Variants in ZNF516 observed in about 807,000 individuals in gnomAD.
ZNF516 encodes zinc finger protein 516.
In ZNF516, 19 loss-of-function variants were observed where a neutral mutation model predicts 79.7. That is an observed-to-expected ratio of 0.24 (90% confidence interval 0.17 to 0.35). The LOEUF (loss-of-function observed/expected upper bound fraction) is 0.35. ZNF516 is among the 10% of genes least tolerant of loss of function. The pLI is 1.00. For missense variants in ZNF516, 1,678 were observed against 1,679.5 expected, an observed-to-expected ratio of 1.00 and a Z score of 0.02; for synonymous variants, 877 against 739.5, an observed-to-expected ratio of 1.19 and a Z score of -3.02.
In ZNF516 at chr18:76,454,133, AAGG is replaced by A. The variant is rs1912581630; in HGVS notation, c.-158+8892_-158+8894del. On this transcript the variant is annotated intron_variant, in intron 2 of 6. Transcript: ENST00000443185. ...GAGATAATTGTATGCAGTAAGCCAT[AAGG>A]CATTCTGTTAAACATTACCTTCCGA... Among the ~76,000 whole-genome samples the A allele has an allele frequency of 2.0e-5, 3 of 152,258 alleles. No individual in the cohort carries two copies. In the South Asian group the frequency reaches 6.2e-4, roughly 31 times the overall value.
intron 3 of ZNF516, among the ~76,000 whole-genome samples, chr18:76,440,303 C>G (rs1037151698): frequency 6.6e-6 from 1 of 152,184 alleles, no homozygotes; most frequent in African/African-American, 2.4e-5. Context: ...TAATACAGCA[C>G]AGCAGTCATC....
At chr18:76,479,043 T>A (rs1162715504) in intron 1 of ZNF516, among the ~76,000 whole-genome samples, 4 of 149,322 alleles carry the variant, frequency 2.7e-5, no homozygotes, top group Non-Finnish European at 6.0e-5. Flanking sequence ...GTGACAAGAG[T>A]GAGATTCTGT....
chr18:76,473,693 T>C (rs949897321), intron 1 of ZNF516, among the ~76,000 whole-genome samples: 4 of 151,290 alleles, frequency 2.6e-5, no homozygotes, highest in East Asian at 1.9e-4. Context: ...CCCAGCTACT[T>C]GGGAAGCTGA....
intron 3 of ZNF516, among the ~76,000 whole-genome samples, chr18:76,435,066 A>C (rs2075711855): frequency 6.6e-6 from 1 of 152,178 alleles, no homozygotes; most frequent in African/African-American, 2.4e-5. Flanking sequence ...TACCAATAAA[A>C]CGGGAGGATA....
intron 3 of ZNF516, among the ~76,000 whole-genome samples, chr18:76,391,550 T>A (rs1055216120): frequency 1.3e-5 from 2 of 152,030 alleles, no homozygotes; most frequent in African/African-American, 4.8e-5. Context: ...ACTCTAACCC[T>A]AACCGCTCCC....
intron 3 of ZNF516, among the ~76,000 whole-genome samples, chr18:76,431,632 G>A (rs187666218): frequency 1.3e-5 from 2 of 152,324 alleles, no homozygotes; most frequent in Admixed American, 1.3e-4. Context: ...TGCAACGAGT[G>A]AGTTCTCGCT....
At chr18:76,465,143 G>T (rs563290896) in intron 1 of ZNF516, among the ~76,000 whole-genome samples, 1 of 152,200 alleles carries the variant, frequency 6.6e-6, no homozygotes, top group Non-Finnish European at 1.5e-5. Context: ...GCTGGACATC[G>T]TGTCTTCAAC....
chr18:76,496,332 G>T, upstream of ZNF516: 1 of 1,289,734 alleles, frequency 7.8e-7, no homozygotes, highest in Non-Finnish European at 1.0e-6. Flanking sequence ...AGTGGAGGTG[G>T]ATTCCGTCCA....
intron 3 of ZNF516, among the ~76,000 whole-genome samples, chr18:76,419,619 G>A (rs1011081386): frequency 5.3e-5 from 8 of 152,128 alleles, no homozygotes; most frequent in Non-Finnish European, 5.9e-5. Flanking sequence ...TGCTGTTCTC[G>A]TGACAGCGAA....
intron 3 of ZNF516, among the ~76,000 whole-genome samples, chr18:76,382,257 T>C (rs909327229): frequency 1.3e-5 from 2 of 152,200 alleles, no homozygotes; most frequent in African/African-American, 4.8e-5. Context: ...AGTGCTAGGA[T>C]GCACCACGGA....
intron 2 of ZNF516, among the ~76,000 whole-genome samples, chr18:76,452,983 A>T (rs2145621761): frequency 6.6e-6 from 1 of 152,318 alleles, no homozygotes; most frequent in South Asian, 2.1e-4. Flanking sequence ...TTTATATCAG[A>T]AGGGAAGGAG....
chr18:76,477,137 T>A (rs1288076193), intron 1 of ZNF516, among the ~76,000 whole-genome samples: 2 of 152,126 alleles, frequency 1.3e-5, no homozygotes, highest in Admixed American at 1.3e-4. Flanking sequence ...CCCAGCTGAG[T>A]CATATCGTTT....
chr18:76,400,284 A>G (rs1196692523), intron 3 of ZNF516, among the ~76,000 whole-genome samples: 1 of 152,200 alleles, frequency 6.6e-6, no homozygotes, highest in Non-Finnish European at 1.5e-5. Flanking sequence ...TGTTCACGAC[A>G]CAATTTTCTA....
At chr18:76,482,836 C>A (rs1378124717) in intron 1 of ZNF516, among the ~76,000 whole-genome samples, 4 of 152,174 alleles carry the variant, frequency 2.6e-5, no homozygotes, top group African/African-American at 7.2e-5. Flanking sequence ...AAAATCCTCA[C>A]ACCACGGCCT....
At chr18:76,469,328 A>G (rs527468159) in intron 1 of ZNF516, among the ~76,000 whole-genome samples, 34 of 152,364 alleles carry the variant, frequency 2.2e-4, no homozygotes, top group Non-Finnish European at 4.1e-4. Context: ...CACACTCATT[A>G]TATCTTTATA....
chr18:76,472,060 C>T (rs1329315576), intron 1 of ZNF516, among the ~76,000 whole-genome samples: 2 of 152,200 alleles, frequency 1.3e-5, no homozygotes, highest in African/African-American at 4.8e-5. Context: ...TTCTCAGTCA[C>T]AAATCTAGCC....
intron 3 of ZNF516, among the ~76,000 whole-genome samples, chr18:76,435,811 G>A (rs1028731476): frequency 8.5e-5 from 13 of 152,168 alleles, no homozygotes; most frequent in East Asian, 1.9e-4. Context: ...GCCTGCAATC[G>A]GCCTGCAGCT....
chr18:76,390,898 C>T (rs184418710), intron 3 of ZNF516, among the ~76,000 whole-genome samples: 47 of 152,260 alleles, frequency 3.1e-4, no homozygotes, highest in African/African-American at 5.8e-4. Context: ...TTTGTAGATA[C>T]GAAACCTGAG....
rs1230248199 is a variant in ZNF516 at position 76,441,831 on chromosome 18, A to T, written c.1224T>A (p.Ala408=). Reference sequence around the variant, plus strand: ...GGTAGCTGTTGACCGGGTCCAGCTCAGCCACCCGCCGTCCGGCCTGCGTGC... The same window carrying T: ...GGTAGCTGTTGACCGGGTCCAGCTCTGCCACCCGCCGTCCGGCCTGCGTGC... ...CPGTQAGRRV[A]ELDPVNSYQA... The change falls in exon 3 of 7, where the codon GCT becomes GCA. Residue 408 remains alanine, a synonymous_variant. Coordinates refer to ENST00000443185, the MANE Select transcript of ZNF516 (RefSeq NM_014643.4). The T allele has an allele frequency of 1.3e-6, 2 of 1,567,232 alleles. No individual in the cohort carries two copies. Among genetic ancestry groups the T allele is most frequent in the Non-Finnish European group, 1.7e-6 (2 of 1,163,622 alleles).
Sources: allele counts gnomAD v4.1 joint callset (sites outside exome capture counted in the v4.1 genomes callset), GRCh38; gene constraint gnomAD v4.1.1; transcripts MANE v1.5; gene names NCBI Gene and HGNC (gene_info 2026-07-23, HGNC 2026-07-21).